The following KIF11 variants were observed in gnomAD, a reference collection of about 807,000 sequenced individuals.
KIF11 encodes the protein kinesin-like protein KIF11.
KIF11 carries 9 observed loss-of-function variants against 121.0 expected under a neutral mutation model. That is an observed-to-expected ratio of 0.07 (90% CI 0.04 to 0.13). The LOEUF is 0.13. Ranked by LOEUF, KIF11 falls within the 10% of genes least tolerant of loss-of-function variation. The pLI, the probability that KIF11 is intolerant of heterozygous loss-of-function variation, is 1.00. For missense variants in KIF11, 846 were observed against 1,217.5 expected, an observed-to-expected ratio of 0.69 and a Z score of 4.54; for synonymous variants, 408 against 421.0, an observed-to-expected ratio of 0.97 and a Z score of 0.38.
chr10:92,594,870 GA>G, intron 1 of KIF11, among the ~76,000 whole-genome samples: 1 of 143,830 alleles, frequency 7.0e-6, no homozygotes, highest in African/African-American at 2.9e-5. Flanking sequence ...TGTGTAAAGA[GA>G]TTTTTTTTTT....
intron 9 of KIF11, among the ~76,000 whole-genome samples, chr10:92,617,751 T>G (rs1351381838): frequency 6.6e-6 from 1 of 152,002 alleles, no homozygotes; most frequent in East Asian, 1.9e-4. Context: ...TTTTTGTTTT[T>G]TTTTTTGAGA....
At position 92,638,475 on chromosome 10, in the gene KIF11, G is replaced by T. The variant is rs188186178; in HGVS notation, c.2160+930G>T. On this transcript the variant is annotated intron_variant, in intron 16 of 21. Coordinates refer to ENST00000260731, the MANE Select transcript of KIF11 (RefSeq NM_004523.4). Reference sequence around the variant, plus strand: ...AGGGTATTTCCCTTAAACCCGTTGAGAACTTTTTAGGTGTATATTCTAAGG... The same window carrying T: ...AGGGTATTTCCCTTAAACCCGTTGATAACTTTTTAGGTGTATATTCTAAGG... Among the ~76,000 whole-genome samples, 651 of 152,160 alleles carry T rather than the reference G, an allele frequency of 4.3e-3. 3 individuals carry two copies. Among genetic ancestry groups the T allele is most frequent in the African/African-American group, 0.015 (620 of 41,502 alleles).
At chr10:92,623,567 A>T (rs1338216231) in intron 10 of KIF11, among the ~76,000 whole-genome samples, 2 of 152,240 alleles carry the variant, frequency 1.3e-5, no homozygotes, top group African/African-American at 2.4e-5. Context: ...AATAGTATAT[A>T]AATCATTTAA....
At chr10:92,618,216 T>G (rs192396651) in intron 9 of KIF11, among the ~76,000 whole-genome samples, 100 of 152,224 alleles carry the variant, frequency 6.6e-4, no homozygotes, top group African/African-American at 2.2e-3. Context: ...TACAAGCCCT[T>G]AATGAGATAT....
intron 1 of KIF11, among the ~76,000 whole-genome samples, chr10:92,596,002 T>TTTG (rs1004978096): frequency 6.6e-6 from 1 of 152,160 alleles, no homozygotes; most frequent in African/African-American, 2.4e-5. Flanking sequence ...TACTTCTTTT[T>TTTG]TTGTTGTTGT....
chr10:92,629,838 A>C (rs766452064), intron 11 of KIF11, among the ~76,000 whole-genome samples: 17 of 152,052 alleles, frequency 1.1e-4, no homozygotes, highest in Non-Finnish European at 1.9e-4. Flanking sequence ...GGCTGGTCTC[A>C]AACTATGGGG....
intron 12 of KIF11, among the ~76,000 whole-genome samples, chr10:92,631,659 C>G (rs180769576): frequency 6.9e-6 from 1 of 145,908 alleles, no homozygotes; most frequent in Non-Finnish European, 1.5e-5. Flanking sequence ...CCGCGCCCGG[C>G]CTTTAATTTT....
chr10:92,617,188 C>T (rs1411238353), intron 9 of KIF11, among the ~76,000 whole-genome samples: 2 of 152,178 alleles, frequency 1.3e-5, no homozygotes, highest in Non-Finnish European at 2.9e-5. Context: ...GGAGTATAAC[C>T]ACGATCTAGT....
intron 1 of KIF11, among the ~76,000 whole-genome samples, chr10:92,593,768 C>G (rs1286959773): frequency 6.6e-6 from 1 of 152,102 alleles, no homozygotes; most frequent in Non-Finnish European, 1.5e-5. Flanking sequence ...GACTGAATAC[C>G]TATTTTGCAG....
At chr10:92,619,007 C>CTTATTTAT (rs200204648) in intron 9 of KIF11, among the ~76,000 whole-genome samples, 78 of 151,246 alleles carry the variant, frequency 5.2e-4, no homozygotes, top group African/African-American at 1.5e-3. Context: ...TTGAGATTGC[C>CTTATTTAT]TTATTTATTT....
chr10:92,625,091 T>G (rs1222097991), intron 10 of KIF11, among the ~76,000 whole-genome samples: 1 of 152,048 alleles, frequency 6.6e-6, no homozygotes, highest in Non-Finnish European at 1.5e-5. Flanking sequence ...TTAAGTTCTT[T>G]GAGAAGTCGC....
chr10:92,635,679 T>C (rs1479659848), intron 14 of KIF11, among the ~76,000 whole-genome samples: 1 of 152,164 alleles, frequency 6.6e-6, no homozygotes, highest in African/African-American at 2.4e-5. Context: ...AGTGAGCACA[T>C]GATATTTGAA....
intron 16 of KIF11, among the ~76,000 whole-genome samples, chr10:92,638,898 A>C (rs2135919989): frequency 6.6e-6 from 1 of 152,352 alleles, no homozygotes; most frequent in Middle Eastern, 3.4e-3. Context: ...AGAGTGAATA[A>C]GAATGTTGGA....
rs969011451 is a variant in KIF11, at chr10:92,654,608, T to C, written c.*812T>C. On this transcript the variant is annotated 3_prime_UTR_variant, in exon 22 of 22. Coordinates refer to ENST00000260731, the MANE Select transcript of KIF11 (RefSeq NM_004523.4). ...GAGCTACAAAAGGTATCCTTTCTTA[T>C]TTTCAGTAGTCAGAATTTTATCTAG... 6.6e-6 allele frequency: 1 copy of C among 152,244 alleles called. No homozygotes were observed. The highest frequency in any genetic ancestry group is 1.5e-5 in the Non-Finnish European group (1 of 68,046). The allele number at this position is 152,244 out of a possible 1,614,324, so 9.4% of individuals were successfully genotyped here.
At chr10:92,632,280 G>T (rs1844746538) in intron 12 of KIF11, among the ~76,000 whole-genome samples, 1 of 151,742 alleles carries the variant, frequency 6.6e-6, no homozygotes, top group Non-Finnish European at 1.5e-5. Flanking sequence ...CAATTCTCCT[G>T]CCTCAGCCTC....
chr10:92,617,078 AATTT>A (rs1434711940), intron 9 of KIF11, among the ~76,000 whole-genome samples: 2 of 152,338 alleles, frequency 1.3e-5, no homozygotes, highest in Admixed American at 6.5e-5. Context: ...ACATTTACAA[AATTT>A]ATTTATTTGC....
chr10:92,605,552 T>G (rs1161138666), intron 1 of KIF11, among the ~76,000 whole-genome samples: 2 of 145,826 alleles, frequency 1.4e-5, no homozygotes, highest in African/African-American at 5.3e-5. Context: ...AATGGCGCGA[T>G]CTTGGCTCAC....
intron 1 of KIF11, among the ~76,000 whole-genome samples, chr10:92,603,343 G>A (rs989140460): frequency 2.3e-5 from 3 of 131,288 alleles, no homozygotes; most frequent in African/African-American, 2.9e-5. Flanking sequence ...TTGGCTCACC[G>A]CAACCTCCAC....
intron 9 of KIF11, among the ~76,000 whole-genome samples, chr10:92,618,810 T>C (rs971775093): frequency 6.6e-6 from 1 of 152,152 alleles, no homozygotes; most frequent in East Asian, 1.9e-4. Context: ...TTTTGTCACA[T>C]GTATAGGTTC....
Sources: gnomAD v4.1 joint callset for allele counts (sites outside exome capture counted in the v4.1 genomes callset) on GRCh38, gnomAD v4.1.1 for gene constraint, MANE v1.5 for transcripts, NCBI Gene and HGNC (gene_info 2026-07-23, HGNC 2026-07-21) for gene names.